EXOC6B: variants seen among roughly 807,000 people sequenced by gnomAD.
EXOC6B encodes the protein SEC15 homolog B.
EXOC6B carries 54 observed loss-of-function variants against 113.5 expected under a neutral mutation model. The observed-to-expected ratio is 0.48, with a 90% CI of 0.38 to 0.60. EXOC6B has a LOEUF of 0.60. Among genes scored for constraint, EXOC6B ranks in the 20% least tolerant of loss-of-function variants. EXOC6B has a pLI of 0.00. For synonymous variants in EXOC6B, 357 were observed against 339.0 expected (o/e 1.05, Z -0.58); for missense variants, 797 against 977.5 (o/e 0.82, Z 2.46).
chr2:72,557,258 TG>T (rs1352778574), intron 8 of EXOC6B, among the ~76,000 whole-genome samples: 1 of 92,474 alleles, frequency 1.1e-5, no homozygotes, highest in African/African-American at 4.1e-5. Context: ...AATGAATGAA[TG>T]GAAAAAAATA....
chr2:72,417,615 C>A (rs1317362044), intron 18 of EXOC6B, among the ~76,000 whole-genome samples: 1 of 152,130 alleles, frequency 6.6e-6, no homozygotes, highest in Non-Finnish European at 1.5e-5. Context: ...CCAGCATACT[C>A]TTTAATTTTA....
At chr2:72,547,443 T>C (rs1338227676) in intron 8 of EXOC6B, among the ~76,000 whole-genome samples, 2 of 152,174 alleles carry the variant, frequency 1.3e-5, no homozygotes, top group African/African-American at 2.4e-5. Flanking sequence ...AATCTAGGAA[T>C]TTAAACTGCT....
At chr2:72,483,421 C>T (rs1385239067) in intron 16 of EXOC6B, among the ~76,000 whole-genome samples, 2 of 151,990 alleles carry the variant, frequency 1.3e-5, no homozygotes, top group Non-Finnish European at 2.9e-5. Flanking sequence ...AAAACAGTGG[C>T]AGTCAAAGAG....
intron 19 of EXOC6B, among the ~76,000 whole-genome samples, chr2:72,344,855 ATCTC>A (rs1689234082): frequency 1.3e-5 from 2 of 152,112 alleles, no homozygotes; most frequent in East Asian, 3.9e-4. Context: ...AGCCCTTTAA[ATCTC>A]CTGACATCAT....
chr2:72,747,691 T>C lies in EXOC6B; in HGVS notation c.114-6222A>G, dbSNP rs184771254. On this transcript the variant is annotated intron_variant, in intron 1 of 21. Transcript: ENST00000272427. ...AGAAACAACCAAGAGCAAGTCAGAGTCTACACACTTTACAAAGCAATCTTG... is the reference window on the plus strand; with the variant it reads ...AGAAACAACCAAGAGCAAGTCAGAGCCTACACACTTTACAAAGCAATCTTG... 3.1e-3 allele frequency among the ~76,000 whole-genome samples: 468 copies of C among 151,926 alleles called. 2 individuals carry two copies. The highest frequency in any genetic ancestry group is 4.3e-3 in the Non-Finnish European group (295 of 67,860).
At chr2:72,368,604 A>G (rs1432699854) in intron 19 of EXOC6B, among the ~76,000 whole-genome samples, 1 of 152,232 alleles carries the variant, frequency 6.6e-6, no homozygotes, top group Non-Finnish European at 1.5e-5. Context: ...ACATCGATGC[A>G]AAAATCCTCA....
chr2:72,733,289 T>G (rs992482753), intron 2 of EXOC6B, among the ~76,000 whole-genome samples, 171 bp from the exon 3 acceptor site: 8 of 152,206 alleles, frequency 5.3e-5, no homozygotes, highest in Non-Finnish European at 1.2e-4. Flanking sequence ...TCAACTTTTC[T>G]ACTGGATGTT....
chr2:72,483,899 C>T (rs1412161759), intron 16 of EXOC6B, among the ~76,000 whole-genome samples: 1 of 152,094 alleles, frequency 6.6e-6, no homozygotes, highest in Non-Finnish European at 1.5e-5. Flanking sequence ...TCCAAACTGT[C>T]CTAAACATTA....
intron 20 of EXOC6B, among the ~76,000 whole-genome samples, chr2:72,296,514 G>A (rs1358865789): frequency 2.0e-5 from 3 of 152,166 alleles, no homozygotes; most frequent in Non-Finnish European, 2.9e-5. Context: ...GAGTAGAGCA[G>A]ATAGATGAGG....
At chr2:72,504,722 T>C (rs1246682700) in intron 11 of EXOC6B, among the ~76,000 whole-genome samples, 1 of 152,220 alleles carries the variant, frequency 6.6e-6, no homozygotes, top group African/African-American at 2.4e-5. Flanking sequence ...CAAAGTGTCT[T>C]ATCAATTTAA....
intron 18 of EXOC6B, among the ~76,000 whole-genome samples, chr2:72,399,100 T>C (rs1202573565): frequency 6.6e-6 from 1 of 151,398 alleles, no homozygotes; most frequent in African/African-American, 2.4e-5. Flanking sequence ...ACATCAAAAA[T>C]ATAATATAGC....
At chr2:72,404,704 C>T (rs1325476923) in intron 18 of EXOC6B, among the ~76,000 whole-genome samples, 2 of 152,188 alleles carry the variant, frequency 1.3e-5, no homozygotes, top group Non-Finnish European at 2.9e-5. Flanking sequence ...AAAACCCCAT[C>T]TGTACATCAC....
chr2:72,572,820 A>C (rs1440197146), intron 7 of EXOC6B, among the ~76,000 whole-genome samples: 1 of 152,250 alleles, frequency 6.6e-6, no homozygotes, highest in African/African-American at 2.4e-5. Flanking sequence ...GTGCACTTGA[A>C]GAAGATTCAA....
chr2:72,313,084 A>G (rs1420615144), intron 20 of EXOC6B, among the ~76,000 whole-genome samples: 3 of 152,156 alleles, frequency 2.0e-5, no homozygotes, highest in Admixed American at 1.3e-4. Flanking sequence ...AACCATTACT[A>G]ATGTAAGAAA....
chr2:72,367,046 T>C (rs1166658388), intron 19 of EXOC6B, among the ~76,000 whole-genome samples: 1 of 152,110 alleles, frequency 6.6e-6, no homozygotes, highest in Non-Finnish European at 1.5e-5. Context: ...TTTCTAGACA[T>C]TTTATAAAAT....
At chr2:72,705,523 A>T (rs556261509) in intron 6 of EXOC6B, among the ~76,000 whole-genome samples, 1 of 152,340 alleles carries the variant, frequency 6.6e-6, no homozygotes, top group South Asian at 2.1e-4. Flanking sequence ...ATAAAGATCC[A>T]TTATCACTGT....
intron 19 of EXOC6B, among the ~76,000 whole-genome samples, chr2:72,342,109 C>G (rs1478507442): frequency 5.3e-5 from 8 of 152,050 alleles, no homozygotes; most frequent in Admixed American, 2.0e-4. Context: ...GAAGTTTATT[C>G]TTATTAGAAT....
chr2:72,739,836 C>A (rs2104807969), intron 2 of EXOC6B, among the ~76,000 whole-genome samples: 1 of 152,160 alleles, frequency 6.6e-6, no homozygotes, highest in African/African-American at 2.4e-5. Context: ...ATTATGATGG[C>A]AATATAATTT....
At chr2:72,486,302 G>A (rs1388040352) in intron 16 of EXOC6B, among the ~76,000 whole-genome samples, 1 of 151,836 alleles carries the variant, frequency 6.6e-6, no homozygotes, top group Non-Finnish European at 1.5e-5. Context: ...CTGGGATGTG[G>A]AGGTTGCACT....
Sources: gnomAD v4.1 joint callset for allele counts (sites outside exome capture counted in the v4.1 genomes callset) on GRCh38, gnomAD v4.1.1 for gene constraint, MANE v1.5 for transcripts, NCBI Gene and HGNC (gene_info 2026-07-23, HGNC 2026-07-21) for gene names.